BCL2L13: variants seen among roughly 807,000 people sequenced by gnomAD.
BCL2L13 encodes the protein BCL2 like 13.
In BCL2L13, 13 loss-of-function variants were observed where a neutral mutation model predicts 25.8. That is an observed-to-expected ratio of 0.50 (90% CI 0.33 to 0.80). BCL2L13 has a LOEUF of 0.80. Ranked by LOEUF, BCL2L13 falls within the 30% of genes least tolerant of loss-of-function variation. BCL2L13 has a pLI of 0.02. For synonymous variants in BCL2L13, 244 were observed against 230.3 expected, an observed-to-expected ratio of 1.06 and a Z score of -0.54; for missense variants, 504 against 574.9, an observed-to-expected ratio of 0.88 and a Z score of 1.26.
chr22:17,634,422 T>C (rs2058074080), upstream of BCL2L13, among the ~76,000 whole-genome samples: 1 of 152,186 alleles, frequency 6.6e-6, no homozygotes, highest in Non-Finnish European at 1.5e-5. Context: ...TCTGACCTTA[T>C]GATCCACCTG....
chr22:17,653,154 G>T (rs553909637), intron 1 of BCL2L13, among the ~76,000 whole-genome samples: 1 of 152,220 alleles, frequency 6.6e-6, no homozygotes, highest in African/African-American at 2.4e-5. Context: ...CCATCATAAA[G>T]TGAAAAAATT....
intron 1 of BCL2L13, among the ~76,000 whole-genome samples, chr22:17,640,687 T>C (rs1314782313): frequency 6.8e-6 from 1 of 146,164 alleles, no homozygotes; most frequent in Non-Finnish European, 1.5e-5. Context: ...GGAGACCTTG[T>C]CTTCACAAAA....
chr22:17,638,429 G>T (rs908623389), upstream of BCL2L13: 3 of 372,744 alleles, frequency 8.0e-6, no homozygotes, highest in South Asian at 2.9e-4. Flanking sequence ...CACTTGAAAC[G>T]CAATACATGT....
At chr22:17,702,527 T>A in intron 6 of BCL2L13, 141 bp downstream of exon 6, 1 of 795,342 alleles carries the variant, frequency 1.3e-6, no homozygotes, top group Non-Finnish European at 1.8e-6. Flanking sequence ...GGCTTCGGTC[T>A]CAAACTCCTG....
At chr22:17,694,392 G>T (rs534471703) in intron 4 of BCL2L13, among the ~76,000 whole-genome samples, 1 of 152,156 alleles carries the variant, frequency 6.6e-6, no homozygotes, top group South Asian at 2.1e-4. Context: ...TAGGACTCCA[G>T]CTAGGGGTGG....
rs753778378 is a variant in BCL2L13, at chr22:17,726,705, A to G, written c.629A>G (p.Glu210Gly). The G allele has an allele frequency of 1.2e-6, 2 of 1,613,924 alleles. No homozygotes were observed. The highest frequency in any genetic ancestry group is 2.2e-5 in the East Asian group (1 of 44,892). The change falls in exon 7 of 7, where the codon GAG (glutamate) becomes GGG (glycine). Residue 210 changes from glutamate (E) to glycine (G), a missense_variant. Transcript: ENST00000317582. ...ACTGTGTTTAGTCTTGAGTCAGAGG[A>G]GGAGGAATACCCTGGAATCACTGCA... The part of the protein sequence containing the change: ...WGTVFSLESE[E>G]EEYPGITAED...
chr22:17,677,913 G>T (rs569248075), intron 2 of BCL2L13, among the ~76,000 whole-genome samples: 1 of 152,138 alleles, frequency 6.6e-6, no homozygotes, highest in Non-Finnish European at 1.5e-5. Flanking sequence ...GGGCATGGTG[G>T]TGTGTACCTG....
intron 6 of BCL2L13, among the ~76,000 whole-genome samples, chr22:17,707,575 G>A (rs930242532): frequency 1.3e-5 from 2 of 152,076 alleles, no homozygotes; most frequent in Non-Finnish European, 2.9e-5. Flanking sequence ...TGTCAGAATC[G>A]TTCTAAGACT....
intron 2 of BCL2L13, among the ~76,000 whole-genome samples, chr22:17,664,873 C>G (rs1358010632): frequency 6.6e-6 from 1 of 152,220 alleles, no homozygotes; most frequent in African/African-American, 2.4e-5. Flanking sequence ...AGAGGCTGCA[C>G]ACAGCAGGAG....
intron 2 of BCL2L13, among the ~76,000 whole-genome samples, chr22:17,680,867 G>A (rs527510836): frequency 6.6e-6 from 1 of 152,254 alleles, no homozygotes; most frequent in East Asian, 1.9e-4. Flanking sequence ...TAAGATTTAT[G>A]GCAGGCTGCT....
At chr22:17,709,171 G>T (rs947596066) in intron 6 of BCL2L13, among the ~76,000 whole-genome samples, 1 of 151,970 alleles carries the variant, frequency 6.6e-6, no homozygotes, top group Non-Finnish European at 1.5e-5. Flanking sequence ...AGGAGGCAGA[G>T]GTTGCAGTGA....
intron 2 of BCL2L13, among the ~76,000 whole-genome samples, chr22:17,676,913 A>G (rs1370819523): frequency 6.6e-6 from 1 of 152,226 alleles, no homozygotes; most frequent in Non-Finnish European, 1.5e-5. Context: ...TTTTTGCATA[A>G]TAGATTGTTT....
chr22:17,721,524 A>ATTTT (rs1361892035), intron 6 of BCL2L13, among the ~76,000 whole-genome samples: 1 of 63,762 alleles, frequency 1.6e-5, no homozygotes, highest in African/African-American at 7.3e-5. Flanking sequence ...ACTTATAAGA[A>ATTTT]ATTTTTTTTT....
At chr22:17,652,722 G>A (rs1229344884) in intron 1 of BCL2L13, among the ~76,000 whole-genome samples, 4 of 152,122 alleles carry the variant, frequency 2.6e-5, no homozygotes, top group Non-Finnish European at 2.9e-5. Context: ...ACAGACATGA[G>A]CCATCGTGCC....
rs62240492 is a variant in BCL2L13 at position 17,692,137 on chromosome 22, A to G, written c.386+2995A>G. ...AAAGGTTTTGTTAATGTAGGAAGTTATTGCTGAACCCTTCTTACAGAAGAA... is the reference window on the plus strand; with the variant it reads ...AAAGGTTTTGTTAATGTAGGAAGTTGTTGCTGAACCCTTCTTACAGAAGAA... On this transcript the variant is annotated intron_variant, in intron 4 of 6. Transcript: ENST00000317582. Among the ~76,000 whole-genome samples, 773 of 152,330 alleles carry G rather than the reference A, an allele frequency of 5.1e-3. 2 individuals carry two copies. The highest frequency in any genetic ancestry group is 8.7e-3 in the Non-Finnish European group (592 of 68,016).
intron 1 of BCL2L13, among the ~76,000 whole-genome samples, chr22:17,629,189 C>T (rs1426960406): frequency 1.3e-5 from 2 of 151,810 alleles, no homozygotes; most frequent in Non-Finnish European, 1.5e-5. Context: ...CATAGAGGAA[C>T]CCCGTCTCTA....
intron 2 of BCL2L13, among the ~76,000 whole-genome samples, chr22:17,662,275 G>A (rs963671636): frequency 1.3e-5 from 2 of 152,030 alleles, no homozygotes; most frequent in African/African-American, 2.4e-5. Flanking sequence ...TCAGGAGATC[G>A]AGACCATCCT....
At chr22:17,630,471 G>A (rs1173722467) in intron 1 of BCL2L13, among the ~76,000 whole-genome samples, 3 of 151,666 alleles carry the variant, frequency 2.0e-5, no homozygotes, top group Admixed American at 2.0e-4. Flanking sequence ...GTAGAGATGA[G>A]GTTTCACTGT....
chr22:17,686,503 ATTTCTTTTTT>A (rs200041797), intron 3 of BCL2L13, among the ~76,000 whole-genome samples: 2,161 of 138,162 alleles, frequency 0.016, 46 homozygotes, highest in African/African-American at 0.054. Flanking sequence ...TGTCTTTTAT[ATTTCTTTTTT>A]TTTCTTTTTT....
Sources: allele counts gnomAD v4.1 joint callset (sites outside exome capture counted in the v4.1 genomes callset), GRCh38; gene constraint gnomAD v4.1.1; transcripts MANE v1.5; gene names NCBI Gene and HGNC (gene_info 2026-07-23, HGNC 2026-07-21).